Variants in C10orf67 observed in about 807,000 individuals in gnomAD.
C10orf67 encodes uncharacterized protein C10orf67, mitochondrial.
In C10orf67, 60 loss-of-function variants were observed where a neutral mutation model predicts 35.6. That is an observed-to-expected ratio of 1.68 (90% CI 1.37 to 2.09). The LOEUF (loss-of-function observed/expected upper bound fraction) is 2.09, where lower values mean the gene tolerates loss of function less well. Ranked by LOEUF, C10orf67 falls within the 30% of genes most tolerant of loss-of-function variation. C10orf67 has a pLI of 0.00. For synonymous variants in C10orf67, 167 were observed against 115.8 expected, an observed-to-expected ratio of 1.44 and a Z score of -2.84; for missense variants, 474 against 330.2, an observed-to-expected ratio of 1.44 and a Z score of -3.38.
At chr10:23,315,115 T>C (rs918904730) in intron 4 of C10orf67, among the ~76,000 whole-genome samples, 2 of 152,230 alleles carry the variant, frequency 1.3e-5, no homozygotes, top group Non-Finnish European at 2.9e-5. Context: ...TCTGAGGTCA[T>C]GGATCAAAGT....
rs571193474 is a variant in C10orf67 at position 23,229,375 on chromosome 10, T to G, written c.1435-5557A>C. 2.2e-5 allele frequency among the ~76,000 whole-genome samples: 3 copies of G among 135,796 alleles called. No individual in the cohort carries two copies. The South Asian group carries it at 7.0e-4, about 32-fold the overall frequency. The allele number at this position is 135,796 out of a possible 152,430, so 89.1% of individuals were successfully genotyped here. On this transcript the variant is annotated intron_variant, in intron 13 of 15. Transcript: ENST00000636213. The stretch of plus-strand genomic sequence containing the variant: ...GCATGTTCTCACTCATAGATGGGAA[T>G]TGAACAATGAGAACACTTGGACACA...
At chr10:23,320,952 T>C (rs1844928707) in intron 3 of C10orf67, 137 bp from the exon 4 acceptor site, 2 of 609,152 alleles carry the variant, frequency 3.3e-6, no homozygotes, top group Middle Eastern at 3.0e-4. Context: ...CATAATCATT[T>C]CTCCCACCCT....
At chr10:23,209,105 A>T (rs1841236999) in intron 15 of C10orf67, among the ~76,000 whole-genome samples, 1 of 152,094 alleles carries the variant, frequency 6.6e-6, no homozygotes, top group African/African-American at 2.4e-5. Context: ...ATTTGTGACC[A>T]CTAGGTTAGA....
intron 8 of C10orf67, among the ~76,000 whole-genome samples, chr10:23,275,277 G>C (rs1843155348): frequency 6.6e-6 from 1 of 152,152 alleles, no homozygotes; most frequent in South Asian, 2.1e-4. Flanking sequence ...TTGAGCACAG[G>C]AGTTCGAGAT....
chr10:23,240,217 C>T (rs1024440972), intron 12 of C10orf67, among the ~76,000 whole-genome samples: 1 of 152,096 alleles, frequency 6.6e-6, no homozygotes, highest in African/African-American at 2.4e-5. Flanking sequence ...CACACACACA[C>T]ACACAAACCA....
intron 12 of C10orf67, 40 bp downstream of exon 12, chr10:23,250,415 C>T (rs1040603229): frequency 3.5e-5 from 14 of 397,962 alleles, no homozygotes; most frequent in Admixed American, 1.8e-4. Flanking sequence ...GATGATTAGT[C>T]ATGTTTTTAG....
intron 5 of C10orf67, among the ~76,000 whole-genome samples, chr10:23,297,481 C>T (rs1843926359): frequency 6.6e-6 from 1 of 152,078 alleles, no homozygotes; most frequent in African/African-American, 2.4e-5. Context: ...ATTCTAGTGC[C>T]CGAGTGAGGG....
At chr10:23,278,167 G>A (rs1364412289) in intron 8 of C10orf67, among the ~76,000 whole-genome samples, 1 of 152,086 alleles carries the variant, frequency 6.6e-6, no homozygotes, top group African/African-American at 2.4e-5. Context: ...AGATTTTGAT[G>A]GGAACACACA....
chr10:23,343,045 C>T (rs968422345), intron 1 of C10orf67, among the ~76,000 whole-genome samples: 1 of 152,210 alleles, frequency 6.6e-6, no homozygotes, highest in African/African-American at 2.4e-5. Flanking sequence ...TCTACATTAT[C>T]CAAATAAACA....
At chr10:23,296,693 G>A (rs549892325) in intron 5 of C10orf67, among the ~76,000 whole-genome samples, 43 of 152,206 alleles carry the variant, frequency 2.8e-4, no homozygotes, top group Non-Finnish European at 5.3e-4. Flanking sequence ...TAGCAGGCTG[G>A]TCCAGGGGTC....
chr10:23,233,972 C>T (rs1404040519), intron 13 of C10orf67, among the ~76,000 whole-genome samples: 1 of 152,170 alleles, frequency 6.6e-6, no homozygotes, highest in Non-Finnish European at 1.5e-5. Flanking sequence ...GATAAATTCA[C>T]ATAGTTTCAG....
At chr10:23,308,536 G>A (rs189937175) in intron 4 of C10orf67, among the ~76,000 whole-genome samples, 9 of 151,982 alleles carry the variant, frequency 5.9e-5, no homozygotes, top group South Asian at 2.1e-4. Flanking sequence ...TGATACACTC[G>A]GCATCCAACT....
At chr10:23,341,429 C>T (rs535898067) in intron 1 of C10orf67, among the ~76,000 whole-genome samples, 2 of 152,342 alleles carry the variant, frequency 1.3e-5, no homozygotes, top group South Asian at 2.1e-4. Flanking sequence ...ACCACTGCTA[C>T]CCCATGGTCA....
rs533203216 is a variant in C10orf67 at position 23,241,532 on chromosome 10, G to A, written c.1347-1716C>T. 9.9e-5 allele frequency among the ~76,000 whole-genome samples: 15 copies of A among 152,270 alleles called. No homozygotes were observed. In the East Asian group the frequency reaches 2.5e-3, roughly 25 times the overall value. Reference sequence around the variant, plus strand: ...TAGAGTGAACATTGCCCCCCATGAAGATATCTACTTTCTAATTTCTGGAAA... The same window carrying A: ...TAGAGTGAACATTGCCCCCCATGAAAATATCTACTTTCTAATTTCTGGAAA... On this transcript the variant is annotated intron_variant, in intron 12 of 15. Coordinates refer to ENST00000636213, the MANE Select transcript of C10orf67 (RefSeq NM_001371909.1).
intron 4 of C10orf67, chr10:23,318,710 T>C (rs1276461082): frequency 3.4e-6 from 2 of 587,358 alleles, no homozygotes; most frequent in Non-Finnish European, 6.1e-6. Flanking sequence ...TGTCCTGGGA[T>C]GTTTTCAGCT....
chr10:23,268,801 A>G (rs1218130340), intron 8 of C10orf67, among the ~76,000 whole-genome samples: 1 of 152,272 alleles, frequency 6.6e-6, no homozygotes, highest in Non-Finnish European at 1.5e-5. Flanking sequence ...TTTACGGCAT[A>G]GCCTATTGTT....
intron 4 of C10orf67, among the ~76,000 whole-genome samples, chr10:23,312,197 C>A (rs555362976): frequency 1.3e-5 from 2 of 152,156 alleles, no homozygotes; most frequent in Admixed American, 1.3e-4. Flanking sequence ...TTCCGTAAGA[C>A]AAACTTTTTC....
intron 4 of C10orf67, among the ~76,000 whole-genome samples, chr10:23,309,474 C>A (rs1043521196): frequency 1.3e-5 from 2 of 152,124 alleles, no homozygotes; most frequent in African/African-American, 4.8e-5. Context: ...ATACTAGAAG[C>A]CCAATCCTTA....
chr10:23,326,908 A>G (rs551495019), intron 2 of C10orf67, among the ~76,000 whole-genome samples: 2 of 152,292 alleles, frequency 1.3e-5, no homozygotes, highest in South Asian at 4.1e-4. Flanking sequence ...AATCTAAACA[A>G]GCATTAATTG....
Sources: allele counts gnomAD v4.1 joint callset (sites outside exome capture counted in the v4.1 genomes callset), GRCh38; gene constraint gnomAD v4.1.1; transcripts MANE v1.5; gene names NCBI Gene and HGNC (gene_info 2026-07-23, HGNC 2026-07-21).